RAB11A: variants seen among roughly 807,000 people sequenced by gnomAD.
RAB11A encodes RAB11A, member RAS oncogene family.
A neutral mutation model predicts 28.0 loss-of-function variants in RAB11A; 9 were observed. That is an observed-to-expected ratio of 0.32 (90% CI 0.19 to 0.56). The LOEUF (loss-of-function observed/expected upper bound fraction) is 0.56. RAB11A is among the 20% of genes least tolerant of loss of function. The probability of loss-of-function intolerance (pLI) is 0.91; values close to 1 mark genes in which losing one functional copy is unlikely to be tolerated. For missense variants in RAB11A, 108 were observed against 269.6 expected (o/e 0.40, Z 4.20); for synonymous variants, 85 against 88.2 (o/e 0.96, Z 0.20).
At position 65,877,205 on chromosome 15, in the gene RAB11A, A is replaced by T. The variant is rs1163237343; in HGVS notation, c.41-127A>T. 1 of 765,010 alleles carries T rather than the reference A, an allele frequency of 1.3e-6. No homozygotes were observed. The highest frequency in any genetic ancestry group is 1.8e-5 in the African/African-American group (1 of 56,820). 47.4% of individuals were successfully genotyped at this position (765,010 alleles called of 1,614,324 possible). ...CAACCCCCTACCCCCATTCCTTTTT[A>T]AAAGTCATATACCTTATTTTTCTTG... is the stretch of plus-strand genomic sequence containing the variant. On this transcript the variant is annotated intron_variant, in intron 1 of 4. Coordinates refer to ENST00000261890, the MANE Select transcript of RAB11A (RefSeq NM_004663.5). This position sits in a 1 kb window ranked among gnomAD's most constrained non-coding sequence, Gnocchi z 4.1.
chr15:65,877,667 T>A lies in RAB11A; in HGVS notation c.237-95T>A. The A allele has an allele frequency of 1.5e-6, 2 of 1,340,274 alleles. No homozygotes were observed. The highest frequency in any genetic ancestry group is 2.0e-6 in the Non-Finnish European group (2 of 984,118). The allele number at this position is 1,340,274 out of a possible 1,614,324, so 83.0% of individuals were successfully genotyped here. On this transcript the variant is annotated intron_variant, in intron 2 of 4. Transcript: ENST00000261890. This position sits in a 1 kb window ranked among gnomAD's most constrained non-coding sequence, Gnocchi z 4.1. ...GAATCCTTAGAAATTTATTTATAAG[T>A]ATGTTTTTAAAACTCATGATCCATA...
At chr15:65,886,541 G>A (rs1215147597) in intron 4 of RAB11A, among the ~76,000 whole-genome samples, 1 of 152,180 alleles carries the variant, frequency 6.6e-6, no homozygotes, top group African/African-American at 2.4e-5. Context: ...TGCTTTTTGA[G>A]AGTAGTGTTT....
intron 4 of RAB11A, among the ~76,000 whole-genome samples, chr15:65,881,487 C>G (rs2078222181): frequency 6.6e-6 from 1 of 152,144 alleles, no homozygotes; most frequent in Admixed American, 6.5e-5. Context: ...AAAGTCTCAT[C>G]TGAAAAAACT....
At chr15:65,886,392 T>C (rs1162097678) in intron 4 of RAB11A, among the ~76,000 whole-genome samples, 2 of 152,252 alleles carry the variant, frequency 1.3e-5, no homozygotes. Context: ...TTTATCTCAT[T>C]ATTTCCTCAT....
chr15:65,869,705 A>C (rs552078039), intron 1 of RAB11A, 80 bp downstream of exon 1: 3 of 1,443,838 alleles, frequency 2.1e-6, no homozygotes, highest in African/African-American at 1.4e-5. Flanking sequence ...CGTGCCGGCC[A>C]CCCCTGCACT....
At chr15:65,880,578 G>A (rs1316586141) in intron 4 of RAB11A, among the ~76,000 whole-genome samples, 1 of 152,162 alleles carries the variant, frequency 6.6e-6, no homozygotes, top group Non-Finnish European at 1.5e-5. Context: ...CAATTATAAT[G>A]TAACAAGTTT....
At chr15:65,873,074 A>T (rs2078172550) in intron 1 of RAB11A, among the ~76,000 whole-genome samples, 1 of 152,264 alleles carries the variant, frequency 6.6e-6, no homozygotes, top group South Asian at 2.1e-4. Context: ...CAGGACAATT[A>T]TTCTAAATTA....
At chr15:65,880,902 C>T (rs543305042) in intron 4 of RAB11A, among the ~76,000 whole-genome samples, 3 of 151,998 alleles carry the variant, frequency 2.0e-5, no homozygotes, top group South Asian at 4.2e-4. Context: ...ACTTTTGTGA[C>T]CTAAAGGTTT....
Position 65,878,101 on chromosome 15 carries a change from A to G in RAB11A, c.430+146A>G, listed in dbSNP as rs771987309. 7 of 875,002 alleles carry G rather than the reference A, an allele frequency of 8.0e-6. No individual in the cohort carries two copies. In the Admixed American group the frequency reaches 1.1e-4, roughly 14 times the overall value. The allele number at this position is 875,002 out of a possible 1,614,324, so 54.2% of individuals were successfully genotyped here. On this transcript the variant is annotated intron_variant, in intron 3 of 4. Transcript: ENST00000261890. Reference sequence around the variant, plus strand: ...TGTTTTGAAAGTTTGTGATGACTGTATAGCTTTTTTGCTTTGAGTCATTAA... The same window carrying G: ...TGTTTTGAAAGTTTGTGATGACTGTGTAGCTTTTTTGCTTTGAGTCATTAA...
intron 4 of RAB11A, among the ~76,000 whole-genome samples, chr15:65,884,845 A>T (rs1158576081): frequency 6.7e-6 from 1 of 150,306 alleles, no homozygotes; most frequent in South Asian, 2.1e-4. Flanking sequence ...AGGTTATTTC[A>T]TTGGGAGTTT....
rs186500516 is a variant in RAB11A at position 65,875,475 on chromosome 15, T to C, written c.41-1857T>C. On this transcript the variant is annotated intron_variant, in intron 1 of 4. Coordinates refer to ENST00000261890, the MANE Select transcript of RAB11A (RefSeq NM_004663.5). ...TATATCAACTAACCATCCTATAAAA[T>C]TGAAAGTGCATTGCTTTTGTACATC... Among the ~76,000 whole-genome samples, 35 of 152,336 alleles carry C rather than the reference T, an allele frequency of 2.3e-4. No individual in the cohort carries two copies. The East Asian group carries it at 3.7e-3, about 16-fold the overall frequency.
chr15:65,887,407 A>G (rs1292383192), intron 4 of RAB11A, among the ~76,000 whole-genome samples: 2 of 152,170 alleles, frequency 1.3e-5, no homozygotes, highest in Admixed American at 6.5e-5. Context: ...TCCTGACCTC[A>G]GGTGATCTGC....
chr15:65,884,789 G>T (rs2078244696), intron 4 of RAB11A, among the ~76,000 whole-genome samples: 1 of 150,134 alleles, frequency 6.7e-6, no homozygotes, highest in South Asian at 2.1e-4. Context: ...CCAAAAACCT[G>T]ATAAGAAAGT....
At position 65,877,649 on chromosome 15, in the gene RAB11A, T is replaced by A; in HGVS notation, c.237-113T>A. ...TAAGAATTCTAGTATTAGGAATCCTTAGAAATTTATTTATAAGTATGTTTT... is the reference window on the plus strand; with the variant it reads ...TAAGAATTCTAGTATTAGGAATCCTAAGAAATTTATTTATAAGTATGTTTT... On this transcript the variant is annotated intron_variant, in intron 2 of 4. Coordinates refer to ENST00000261890, the MANE Select transcript of RAB11A (RefSeq NM_004663.5). This position sits in a 1 kb window ranked among gnomAD's most constrained non-coding sequence, Gnocchi z 4.1. 1 of 1,333,486 alleles carries A rather than the reference T, an allele frequency of 7.5e-7. No individual in the cohort carries two copies. Among genetic ancestry groups the A allele is most frequent in the Non-Finnish European group, 1.0e-6 (1 of 982,624 alleles). The allele number at this position is 1,333,486 out of a possible 1,614,324, so 82.6% of individuals were successfully genotyped here.
At position 65,877,807 on chromosome 15, in the gene RAB11A, T is replaced by C. The variant is rs746774499; in HGVS notation, c.282T>C (p.Ala94=). 1 of 1,611,360 alleles carries C rather than the reference T, an allele frequency of 6.2e-7. No homozygotes were observed. Among genetic ancestry groups the C allele is most frequent in the Non-Finnish European group, 8.5e-7 (1 of 1,177,512 alleles). ...GTGCCTTATTGGTTTATGACATTGC[T>C]AAACATCTCACATATGAAAATGTAG... ...AVGALLVYDI[A]KHLTYENVER... is the part of the protein sequence containing the mutation. The change falls in exon 3 of 5, where the codon GCT becomes GCC. Residue 94 remains alanine (A), a synonymous_variant. Transcript: ENST00000261890. This position sits in a 1 kb window ranked among gnomAD's most constrained non-coding sequence, Gnocchi z 4.1.
rs1314005818 is a variant in RAB11A at position 65,890,758 on chromosome 15, T to A, written c.*2918T>A. On this transcript the variant is annotated 3_prime_UTR_variant, in exon 5 of 5. Coordinates refer to ENST00000261890, the MANE Select transcript of RAB11A (RefSeq NM_004663.5). Reference sequence around the variant, plus strand: ...TACCTTAGAGAAGAAGCTGTACTATTTAGACAGTTTTGGCCAACACTAGAA... The same window carrying A: ...TACCTTAGAGAAGAAGCTGTACTATATAGACAGTTTTGGCCAACACTAGAA... The A allele has an allele frequency of 6.6e-6, 1 of 152,212 alleles. No homozygotes were observed. The highest frequency in any genetic ancestry group is 1.5e-5 in the Non-Finnish European group (1 of 68,032). 9.4% of individuals were successfully genotyped at this position (152,212 alleles called of 1,614,324 possible).
At chr15:65,887,632 TA>T (rs2141110154) in intron 4 of RAB11A, 68 bp from the exon 5 acceptor site, 1 of 1,417,614 alleles carries the variant, frequency 7.1e-7, no homozygotes, top group African/African-American at 1.5e-5. Flanking sequence ...CTCCTACCTT[TA>T]TGTATCTTTT....
chr15:65,873,387 C>T (rs534856177), intron 1 of RAB11A, among the ~76,000 whole-genome samples: 42 of 152,204 alleles, frequency 2.8e-4, no homozygotes, highest in African/African-American at 9.1e-4. Flanking sequence ...TAGTAATTAA[C>T]CATCAGCTGA....
chr15:65,870,472 C>T (rs1465958266), intron 1 of RAB11A, among the ~76,000 whole-genome samples: 1 of 152,234 alleles, frequency 6.6e-6, no homozygotes, highest in Admixed American at 6.5e-5. Context: ...TTTTCTTGCC[C>T]TCCCTACTCA....
Sources: allele counts gnomAD v4.1 joint callset (sites outside exome capture counted in the v4.1 genomes callset), GRCh38; gene constraint gnomAD v4.1.1; non-coding constraint Gnocchi (gnomAD v3.1); transcripts MANE v1.5; gene names NCBI Gene and HGNC (gene_info 2026-07-23, HGNC 2026-07-21).